CDH13: variants seen among roughly 807,000 people sequenced by gnomAD.
CDH13 encodes cadherin-13.
Under a neutral mutation model 63.8 loss-of-function variants are expected in CDH13, and 24 were observed. The observed-to-expected ratio is 0.38, with a 90% CI of 0.27 to 0.53. CDH13 has a LOEUF of 0.53. Ranked by LOEUF, CDH13 falls within the 20% of genes least tolerant of loss-of-function variation. CDH13 has a pLI of 0.85. For synonymous variants in CDH13, 503 were observed against 355.3 expected (o/e 1.42, Z -4.67); for missense variants, 1,049 against 903.1 (o/e 1.16, Z -2.07).
chr16:83,029,351 T>G (rs1018839120), intron 2 of CDH13, among the ~76,000 whole-genome samples: 7 of 152,150 alleles, frequency 4.6e-5, no homozygotes, highest in African/African-American at 1.7e-4. Flanking sequence ...TACCAAAAGA[T>G]GTACACAAGA....
rs111982101 is a variant in CDH13, at chr16:83,395,237, C to T, written c.781+50231C>T. Among the ~76,000 whole-genome samples, 4 of 151,608 alleles carry T rather than the reference C, an allele frequency of 2.6e-5. 1 individual carries two copies. Among genetic ancestry groups the T allele is most frequent in the African/African-American group, 9.7e-5 (4 of 41,290 alleles). On this transcript the variant is annotated intron_variant, in intron 6 of 13. Transcript: ENST00000567109. ...GCTGAGGCAGGAGAATCACTGGAAC[C>T]TAGGAGGCGGAGGTTGCAGTGAGCC...
intron 10 of CDH13, among the ~76,000 whole-genome samples, chr16:83,741,808 C>T (rs990776880): frequency 3.5e-5 from 5 of 144,736 alleles, no homozygotes; most frequent in South Asian, 2.1e-4. Context: ...CCCTGGGCCA[C>T]GGACGGCCCC....
At chr16:83,655,952 G>A (rs1412385320) in intron 8 of CDH13, among the ~76,000 whole-genome samples, 2 of 152,138 alleles carry the variant, frequency 1.3e-5, no homozygotes, top group East Asian at 1.9e-4. Context: ...CACCAAGGTT[G>A]GTAGGGGTGG....
intron 1 of CDH13, among the ~76,000 whole-genome samples, chr16:82,716,672 A>G (rs1021716004): frequency 6.7e-6 from 1 of 149,938 alleles, no homozygotes; most frequent in Non-Finnish European, 1.5e-5. Context: ...GTGGGTATTA[A>G]GGGGGGTGAC....
At chr16:83,585,323 G>A (rs1005079025) in intron 7 of CDH13, among the ~76,000 whole-genome samples, 9 of 152,160 alleles carry the variant, frequency 5.9e-5, no homozygotes, top group African/African-American at 2.2e-4. Flanking sequence ...CCCAAACTAA[G>A]GCAAGGGCAG....
At chr16:83,279,518 C>A (rs978286958) in intron 5 of CDH13, among the ~76,000 whole-genome samples, 1 of 152,136 alleles carries the variant, frequency 6.6e-6, no homozygotes, top group Non-Finnish European at 1.5e-5. Flanking sequence ...TTCTGGAAAC[C>A]GCTGCTAAAA....
intron 1 of CDH13, among the ~76,000 whole-genome samples, chr16:82,782,105 G>A (rs2035781373): frequency 6.6e-6 from 1 of 152,190 alleles, no homozygotes; most frequent in Non-Finnish European, 1.5e-5. Context: ...TTGTTGTTTG[G>A]TAGAAATATG....
Position 82,978,851 on chromosome 16 carries a change from C to A in CDH13, c.158-53159C>A, listed in dbSNP as rs549655651. On this transcript the variant is annotated intron_variant, in intron 2 of 13. Coordinates refer to ENST00000567109, the MANE Select transcript of CDH13 (RefSeq NM_001257.5). ...GAGCTGTGAGAAGAGGGTCACCATC[C>A]TCCATACCCCAAAATGGTAGCTCCA... Among the ~76,000 whole-genome samples the A allele has an allele frequency of 3.3e-5, 5 of 149,822 alleles. No individual in the cohort carries two copies. In the South Asian group the frequency reaches 1.1e-3, roughly 32 times the overall value.
chr16:83,446,817 C>G (rs887318663), intron 6 of CDH13, among the ~76,000 whole-genome samples: 1 of 152,024 alleles, frequency 6.6e-6, no homozygotes, highest in African/African-American at 2.4e-5. Context: ...GTACATGTAA[C>G]AAATCCAAAG....
intron 7 of CDH13, among the ~76,000 whole-genome samples, chr16:83,601,695 T>C (rs1907810796): frequency 6.6e-6 from 1 of 152,194 alleles, no homozygotes; most frequent in African/African-American, 2.4e-5. Context: ...AAATGTGAGT[T>C]CCTAAAGCTG....
chr16:83,546,774 G>A (rs1260338900), intron 7 of CDH13, among the ~76,000 whole-genome samples: 2 of 152,132 alleles, frequency 1.3e-5, no homozygotes, highest in Non-Finnish European at 2.9e-5. Flanking sequence ...GTACTTATTA[G>A]GCTATTGTTA....
intron 10 of CDH13, among the ~76,000 whole-genome samples, chr16:83,723,871 A>AATGGATGG (rs56156646): frequency 0.019 from 2,957 of 152,136 alleles, 44 homozygotes; most frequent in Non-Finnish European, 0.03. Context: ...TCCATGGAAG[A>AATGGATGG]ATGGATGGAT....
rs968656395 is a variant in CDH13, at chr16:82,896,997, G to T, written c.157+38524G>T. On this transcript the variant is annotated intron_variant, in intron 2 of 13. Coordinates refer to ENST00000567109, the MANE Select transcript of CDH13 (RefSeq NM_001257.5). ...GGGGTTTCATCATGTTAGCCAGGAT[G>T]GTCTCAGTATCCTGACCTCGTGATT... Among the ~76,000 whole-genome samples the T allele has an allele frequency of 9.8e-5, 13 of 132,278 alleles. No individual in the cohort carries two copies. The East Asian group carries it at 2.6e-3, about 26-fold the overall frequency. The allele number at this position is 132,278 out of a possible 152,430, so 86.8% of individuals were successfully genotyped here.
At chr16:82,954,474 A>T (rs1309006776) in intron 2 of CDH13, 1 of 152,162 alleles carries the variant, frequency 6.6e-6, no homozygotes, top group Non-Finnish European at 1.5e-5. Flanking sequence ...AGAATTCATG[A>T]GTTGAAATAA....
intron 4 of CDH13, among the ~76,000 whole-genome samples, chr16:83,131,218 AG>A (rs994105791): frequency 4.2e-5 from 5 of 118,154 alleles, no homozygotes; most frequent in Non-Finnish European, 6.5e-5. Context: ...AGACACACAC[AG>A]GAGACAACCC....
Position 83,048,490 on chromosome 16 carries a change from C to T in CDH13, c.366+16272C>T, listed in dbSNP as rs181644219. Among the ~76,000 whole-genome samples, 45 of 152,252 alleles carry T rather than the reference C, an allele frequency of 3.0e-4. No individual in the cohort carries two copies. In the East Asian group the frequency reaches 8.1e-3, roughly 27 times the overall value. The stretch of plus-strand genomic sequence containing the variant: ...TATTCATCTTTAATTTATTGCTCTT[C>T]ACCTTGAGCACCACTCTAAGGCTTT... On this transcript the variant is annotated intron_variant, in intron 3 of 13. Coordinates refer to ENST00000567109, the MANE Select transcript of CDH13 (RefSeq NM_001257.5).
At chr16:82,683,365 A>G (rs1361820580) in intron 1 of CDH13, among the ~76,000 whole-genome samples, 1 of 152,094 alleles carries the variant, frequency 6.6e-6, no homozygotes, top group African/African-American at 2.4e-5. Flanking sequence ...CTTGCCTTGT[A>G]TATCTGACTT....
At chr16:83,443,705 GAAAAAAAAAAAA>G (rs1167862979) in intron 6 of CDH13, among the ~76,000 whole-genome samples, 121 of 107,046 alleles carry the variant, frequency 1.1e-3, no homozygotes, top group African/African-American at 4.5e-3. Context: ...AAGTCCCTAC[GAAAAAAAAAAAA>G]AAAAAAAAAA....
At chr16:83,450,969 A>T (rs1297368753) in intron 6 of CDH13, among the ~76,000 whole-genome samples, 1 of 152,164 alleles carries the variant, frequency 6.6e-6, no homozygotes, top group Non-Finnish European at 1.5e-5. Context: ...GTGAAAATCC[A>T]TATGGCTGAG....
Sources: allele counts gnomAD v4.1 joint callset (sites outside exome capture counted in the v4.1 genomes callset), GRCh38; gene constraint gnomAD v4.1.1; transcripts MANE v1.5; gene names NCBI Gene and HGNC (gene_info 2026-07-23, HGNC 2026-07-21).